The following SYNE1 variants were observed in gnomAD, a reference collection of about 807,000 sequenced individuals.
SYNE1 encodes the protein nesprin-1.
Under a neutral mutation model 1,111.0 loss-of-function variants are expected in SYNE1, and 616 were observed. The observed-to-expected ratio is 0.55, with a 90% CI of 0.52 to 0.59. The LOEUF (loss-of-function observed/expected upper bound fraction) is 0.59. SYNE1 is among the 20% of genes least tolerant of loss of function. SYNE1 has a pLI of 0.00. For synonymous variants in SYNE1, 3,855 were observed against 3,825.8 expected, an observed-to-expected ratio of 1.01 and a Z score of -0.28; for missense variants, 10,006 against 10,417.0, an observed-to-expected ratio of 0.96 and a Z score of 1.72.
intron 3 of SYNE1, among the ~76,000 whole-genome samples, chr6:152,593,563 C>T (rs2099572885): frequency 6.6e-6 from 1 of 151,644 alleles, no homozygotes; most frequent in Non-Finnish European, 1.5e-5. Flanking sequence ...GCCTGGGTGA[C>T]AGAGTGAGAC....
chr6:152,382,483 G>C (rs1043925498), intron 55 of SYNE1, among the ~76,000 whole-genome samples: 2 of 151,954 alleles, frequency 1.3e-5, no homozygotes, highest in Admixed American at 6.6e-5. Context: ...ATATACAATA[G>C]AGCCATATTT....
At chr6:152,533,934 G>A (rs761599686) in intron 4 of SYNE1, among the ~76,000 whole-genome samples, 23 of 152,076 alleles carry the variant, frequency 1.5e-4, no homozygotes, top group Non-Finnish European at 3.2e-4. Context: ...TGAGGTTGGT[G>A]AATTATTTGA....
intron 145 of SYNE1, chr6:152,126,594 C>A (rs1585462164): frequency 6.6e-6 from 1 of 152,186 alleles, no homozygotes; most frequent in Non-Finnish European, 1.5e-5. Flanking sequence ...CAGCAAAAAA[C>A]GTGCTTATTT....
At chr6:152,612,576 A>G (rs9479363) in intron 3 of SYNE1, among the ~76,000 whole-genome samples, 31,775 of 152,124 alleles carry the variant, frequency 0.21, 3,806 homozygotes, top group African/African-American at 0.32. Flanking sequence ...AAGTACAAAG[A>G]GGAGCTGGTA....
intron 3 of SYNE1, among the ~76,000 whole-genome samples, chr6:152,543,082 T>A (rs1043053194): frequency 6.6e-6 from 1 of 152,108 alleles, no homozygotes; most frequent in Non-Finnish European, 1.5e-5. Context: ...ATATTTTCAC[T>A]ATTATAACCT....
intron 3 of SYNE1, among the ~76,000 whole-genome samples, chr6:152,596,098 TAAAAAAAAAA>T (rs71017542): frequency 4.8e-4 from 9 of 18,582 alleles, no homozygotes; most frequent in African/African-American, 1.3e-3. Context: ...AAGGGCAATC[TAAAAAAAAAA>T]AAAAAAAAAA....
intron 45 of SYNE1, among the ~76,000 whole-genome samples, chr6:152,406,057 T>A (rs1337139778): frequency 1.3e-5 from 2 of 152,122 alleles, no homozygotes; most frequent in East Asian, 3.9e-4. Context: ...TCCATTATAT[T>A]TTCAATGTCT....
chr6:152,529,259 T>C (rs1188606511), intron 4 of SYNE1, among the ~76,000 whole-genome samples: 5 of 152,272 alleles, frequency 3.3e-5, no homozygotes, highest in African/African-American at 1.2e-4. Flanking sequence ...ATGTAGTCTA[T>C]AGAAGGACTA....
intron 47 of SYNE1, among the ~76,000 whole-genome samples, chr6:152,400,218 A>AT (rs1356404037): frequency 6.7e-6 from 1 of 150,170 alleles, no homozygotes; most frequent in Admixed American, 6.6e-5. Context: ...CCAGTAGTTA[A>AT]TTTAAAAAAA....
chr6:152,584,338 T>C (rs1394883563), intron 3 of SYNE1, among the ~76,000 whole-genome samples: 1 of 152,202 alleles, frequency 6.6e-6, no homozygotes, highest in Non-Finnish European at 1.5e-5. Context: ...TAATTTAGTG[T>C]GATTTATAAT....
intron 3 of SYNE1, among the ~76,000 whole-genome samples, chr6:152,585,213 T>G (rs772016789): frequency 8.5e-5 from 13 of 152,334 alleles, no homozygotes; most frequent in Middle Eastern, 6.8e-3. Context: ...GACTGTTAAG[T>G]TTCCTGAGGC....
rs576619353 is a variant in SYNE1 at position 152,610,634 on chromosome 6, A to G, written c.67+17631T>C. On this transcript the variant is annotated intron_variant, in intron 3 of 145. Transcript: ENST00000367255. Reference sequence around the variant, plus strand: ...GGCAGGCCAACATTCAAATACAGGAAGTTCATAGAACACCACAAAGATACT... The same window carrying G: ...GGCAGGCCAACATTCAAATACAGGAGGTTCATAGAACACCACAAAGATACT... Among the ~76,000 whole-genome samples the G allele has an allele frequency of 3.3e-5, 5 of 152,294 alleles. No homozygotes were observed. In the East Asian group the frequency reaches 9.7e-4, roughly 29 times the overall value.
intron 111 of SYNE1, among the ~76,000 whole-genome samples, 164 bp from the exon 112 acceptor site, chr6:152,234,127 A>G (rs763412776): frequency 6.6e-6 from 1 of 152,210 alleles, no homozygotes; most frequent in African/African-American, 2.4e-5. Flanking sequence ...CCTCGAATGA[A>G]AGGAAACTAC....
chr6:152,395,403 A>C (rs1355177790), intron 51 of SYNE1, 113 bp downstream of exon 51: 5 of 1,117,256 alleles, frequency 4.5e-6, no homozygotes, highest in Non-Finnish European at 6.6e-6. Context: ...AGGACAGCAC[A>C]AACCACTACC....
At chr6:152,578,509 A>C (rs2099508969) in intron 3 of SYNE1, among the ~76,000 whole-genome samples, 1 of 152,188 alleles carries the variant, frequency 6.6e-6, no homozygotes, top group Admixed American at 6.5e-5. Flanking sequence ...CAGGAGAATC[A>C]CTTGAACATG....
In SYNE1 at chr6:152,316,893, A is replaced by G; in HGVS notation, c.16666T>C (p.Trp5556Arg). 6.2e-7 allele frequency: 1 copy of G among 1,614,182 alleles called. No homozygotes were observed. The highest frequency in any genetic ancestry group is 8.5e-7 in the Non-Finnish European group (1 of 1,180,026). ...AKVLAHGTIA[W>R]NSASQLREQY... ...TCCCGAAGCTGGCTTGCAGAATTCC[A>G]TGCAATAGTTCCATGAGCCAAGACT... The change falls in exon 87 of 146, where the codon TGG becomes CGG. Residue 5556 changes from tryptophan to arginine, a missense_variant. Physicochemically the swap from Trp to Arg is moderately radical, Grantham distance 101 (BLOSUM62 -3). This residue lies in a region of SYNE1 where 4,955 missense variants were observed against 5,017.2 expected (regional missense o/e 0.99). Transcript: ENST00000367255.
chr6:152,304,630 G>A (rs1188137815), intron 91 of SYNE1, among the ~76,000 whole-genome samples: 1 of 152,132 alleles, frequency 6.6e-6, no homozygotes, highest in African/African-American at 2.4e-5. Flanking sequence ...GGCAATTTGA[G>A]GAATCTTTAT....
At chr6:152,263,602 T>C (rs565335956) in intron 100 of SYNE1, among the ~76,000 whole-genome samples, 2 of 151,900 alleles carry the variant, frequency 1.3e-5, no homozygotes, top group South Asian at 4.2e-4. Flanking sequence ...TCTCACTATG[T>C]TTCCCAGGCT....
At chr6:152,628,741 T>A (rs1428323562) in intron 2 of SYNE1, among the ~76,000 whole-genome samples, 187 bp from the exon 3 acceptor site, 1 of 152,168 alleles carries the variant, frequency 6.6e-6, no homozygotes, top group East Asian at 1.9e-4. Flanking sequence ...TGATATTTAA[T>A]AAAATAAATA....
Sources: gnomAD v4.1 joint callset for allele counts (sites outside exome capture counted in the v4.1 genomes callset) on GRCh38, gnomAD v4.1.1 for gene constraint, gnomAD v4.1.1 regional missense constraint, MANE v1.5 for transcripts, NCBI Gene and HGNC (gene_info 2026-07-23, HGNC 2026-07-21) for gene names.